The following MIPEP variants were observed in gnomAD, a reference collection of about 807,000 sequenced individuals.
MIPEP encodes the protein mitochondrial intermediate peptidase.
Under a neutral mutation model 90.3 loss-of-function variants are expected in MIPEP, and 79 were observed. The observed-to-expected ratio is 0.87, with a 90% confidence interval of 0.73 to 1.05. The LOEUF (loss-of-function observed/expected upper bound fraction) is 1.05. MIPEP is among the 50% of genes least tolerant of loss of function. The pLI is 0.00. For missense variants in MIPEP, 940 were observed against 905.6 expected (o/e 1.04, Z -0.49); for synonymous variants, 334 against 315.8 (o/e 1.06, Z -0.61).
chr13:23,736,722 C>T (rs1183911520), intron 18 of MIPEP, among the ~76,000 whole-genome samples: 2 of 152,094 alleles, frequency 1.3e-5, no homozygotes, highest in East Asian at 1.9e-4. Context: ...CTGGCCTAGA[C>T]GGGGCTCATC....
At chr13:23,870,990 C>G (rs935989570) in intron 5 of MIPEP, among the ~76,000 whole-genome samples, 6 of 152,144 alleles carry the variant, frequency 3.9e-5, no homozygotes, top group Non-Finnish European at 7.3e-5. Context: ...GAGCTACGAT[C>G]ACACCACTGC....
intron 16 of MIPEP, among the ~76,000 whole-genome samples, chr13:23,778,175 C>G (rs925696373): frequency 6.6e-6 from 1 of 152,088 alleles, no homozygotes; most frequent in African/African-American, 2.4e-5. Flanking sequence ...AAGTCTGGTT[C>G]ACTTTTCACT....
intron 18 of MIPEP, among the ~76,000 whole-genome samples, chr13:23,736,978 C>A (rs1411615996): frequency 6.6e-6 from 1 of 152,120 alleles, no homozygotes; most frequent in Admixed American, 6.5e-5. Flanking sequence ...TGCCTCATGC[C>A]CCGAAATTCT....
At chr13:23,824,476 A>T (rs1047364462) in intron 14 of MIPEP, among the ~76,000 whole-genome samples, 2 of 152,224 alleles carry the variant, frequency 1.3e-5, no homozygotes, top group Non-Finnish European at 2.9e-5. Flanking sequence ...TGATAGGTCT[A>T]ATGACAGAAA....
intron 16 of MIPEP, among the ~76,000 whole-genome samples, chr13:23,795,674 C>A (rs1464549475): frequency 6.6e-6 from 1 of 152,044 alleles, no homozygotes. Context: ...ATATTAACAA[C>A]TGAAATAAAG....
In MIPEP at chr13:23,848,226, T is replaced by A. The variant is rs116445443; in HGVS notation, c.1107-6738A>T. On this transcript the variant is annotated intron_variant, in intron 10 of 18. Transcript: ENST00000382172. ...GGTTCCTGGAGAAAAGCAGGCACAC[T>A]GTAAATTATAGCCACTATTATTGCT... Among the ~76,000 whole-genome samples the A allele has an allele frequency of 4.4e-3, 670 of 152,314 alleles. 2 individuals carry two copies. Among genetic ancestry groups the A allele is most frequent in the African/African-American group, 0.015 (633 of 41,566 alleles).
At chr13:23,752,884 C>A (rs1022297372) in intron 18 of MIPEP, among the ~76,000 whole-genome samples, 2 of 152,076 alleles carry the variant, frequency 1.3e-5, no homozygotes, top group African/African-American at 4.8e-5. Flanking sequence ...CACGTCTGTA[C>A]ACACACCCCA....
chr13:23,889,304 C>A lies in MIPEP; in HGVS notation c.17G>T (p.Arg6Met), dbSNP rs1566031792. MLCVG[R>M]LGGLGARAAA... ...TGCTCTGGCTCCCAAGCCGCCCAGC[C>A]TTCCGACGCACAGCATTCTAGCACC... Residue 6 changes from arginine to methionine, a missense_variant, in exon 1 of 19, where the codon AGG becomes ATG. Physicochemically the swap from Arg to Met is moderately conservative, Grantham distance 91 (BLOSUM62 -1). Coordinates refer to ENST00000382172, the MANE Select transcript of MIPEP (RefSeq NM_005932.4). 5 of 1,351,092 alleles carry A rather than the reference C, an allele frequency of 3.7e-6. No individual in the cohort carries two copies. The highest frequency in any genetic ancestry group is 4.8e-6 in the Non-Finnish European group (5 of 1,049,404). 83.7% of individuals were successfully genotyped at this position (1,351,092 alleles called of 1,614,324 possible). A position where few individuals can be genotyped will look rare whatever the true frequency, so the allele number is the denominator to read the frequency against.
intron 2 of MIPEP, among the ~76,000 whole-genome samples, chr13:23,884,912 T>C (rs1374448672): frequency 1.3e-5 from 2 of 152,208 alleles, no homozygotes; most frequent in Non-Finnish European, 2.9e-5. Context: ...GCTGCTTTCC[T>C]TGACAAGAGT....
chr13:23,776,219 T>A (rs1377369917), intron 16 of MIPEP, among the ~76,000 whole-genome samples: 4 of 152,142 alleles, frequency 2.6e-5, no homozygotes, highest in Non-Finnish European at 5.9e-5. Context: ...TATATAAGCC[T>A]CTGAGCAGAC....
intron 18 of MIPEP, among the ~76,000 whole-genome samples, chr13:23,739,675 C>T (rs1952304731): frequency 6.6e-6 from 1 of 152,238 alleles, no homozygotes; most frequent in Non-Finnish European, 1.5e-5. Context: ...GCATGGACCT[C>T]TCCCATCATT....
Position 23,862,365 on chromosome 13 carries a change from A to T in MIPEP, c.993-3T>A. 6.4e-7 allele frequency: 1 copy of T among 1,561,942 alleles called. No homozygotes were observed. Among genetic ancestry groups the T allele is most frequent in the Non-Finnish European group, 8.8e-7 (1 of 1,142,308 alleles). On this transcript the variant is annotated splice_polypyrimidine_tract_variant and splice_region_variant and intron_variant, in intron 8 of 18. Transcript: ENST00000382172. Reference sequence around the variant, plus strand: ...TCATCTCAAAATCTTTCAGAGTTCTATAAAACAGGTTTATCATTACTTGTT... The same window carrying T: ...TCATCTCAAAATCTTTCAGAGTTCTTTAAAACAGGTTTATCATTACTTGTT...
At chr13:23,873,968 C>A (rs143997469) in intron 5 of MIPEP, among the ~76,000 whole-genome samples, 90 of 152,274 alleles carry the variant, frequency 5.9e-4, no homozygotes, top group Non-Finnish European at 3.4e-4. Flanking sequence ...ATTACTCAAA[C>A]TCAGCACCTA....
At chr13:23,795,223 A>G (rs945223927) in intron 16 of MIPEP, among the ~76,000 whole-genome samples, 4 of 152,298 alleles carry the variant, frequency 2.6e-5, no homozygotes, top group Admixed American at 6.5e-5. Flanking sequence ...AAAAAAAAGA[A>G]TAGGAGGAAT....
Position 23,889,364 on chromosome 13 carries a change from C to A in MIPEP, c.-44G>T, listed in dbSNP as rs1871706843. The A allele has an allele frequency of 5.6e-6, 7 of 1,249,918 alleles. No homozygotes were observed. The East Asian group carries it at 1.9e-4, about 34-fold the overall frequency. The allele number at this position is 1,249,918 out of a possible 1,614,324, so 77.4% of individuals were successfully genotyped here. The stretch of plus-strand genomic sequence containing the variant: ...CCTTCCTCCAACGCAGATCCCTGCC[C>A]TGCTGCTTTCGCTGGGAGCGCGCGC... On this transcript the variant is annotated 5_prime_UTR_variant, in exon 1 of 19. In the 5' UTR this introduces an upstream ATG that the reference lacks. Transcript: ENST00000382172.
intron 16 of MIPEP, among the ~76,000 whole-genome samples, chr13:23,790,527 T>C (rs1952887515): frequency 6.6e-6 from 1 of 152,218 alleles, no homozygotes; most frequent in Admixed American, 6.5e-5. Context: ...TCCTGAATTA[T>C]CTGAGTACGC....
chr13:23,870,523 T>A (rs576531548), intron 5 of MIPEP, among the ~76,000 whole-genome samples: 52 of 152,168 alleles, frequency 3.4e-4, no homozygotes, highest in African/African-American at 1.1e-3. Flanking sequence ...GAAAAACACA[T>A]GCCAGGTGCA....
rs1172048 is a variant in MIPEP, at chr13:23,759,164, T to C, written c.1970+932A>G. ...AAAGAAAGAGCCTTCTAAGGAATCATAGGACCCAAACTTGACAACGTCTTG... is the reference window on the plus strand; with the variant it reads ...AAAGAAAGAGCCTTCTAAGGAATCACAGGACCCAAACTTGACAACGTCTTG... On this transcript the variant is annotated intron_variant, in intron 17 of 18. Transcript: ENST00000382172. Among the ~76,000 whole-genome samples, 1,123 of 152,312 alleles carry C rather than the reference T, an allele frequency of 7.4e-3. 25 individuals carry two copies. The highest frequency in any genetic ancestry group is 0.026 in the African/African-American group (1,070 of 41,560).
At chr13:23,764,575 T>C (rs1004238572) in intron 16 of MIPEP, among the ~76,000 whole-genome samples, 1 of 152,202 alleles carries the variant, frequency 6.6e-6, no homozygotes, top group Non-Finnish European at 1.5e-5. Flanking sequence ...TAAATTTTTT[T>C]AGAGACATGG....
Sources: gnomAD v4.1 joint callset for allele counts (sites outside exome capture counted in the v4.1 genomes callset) on GRCh38, gnomAD v4.1.1 for gene constraint, MANE v1.5 for transcripts, NCBI Gene and HGNC (gene_info 2026-07-23, HGNC 2026-07-21) for gene names.